CYP2W1: variants seen among roughly 807,000 people sequenced by gnomAD.
CYP2W1 encodes cytochrome P450 2W1.
In CYP2W1, 51 loss-of-function variants were observed where a neutral mutation model predicts 44.9. The ratio of observed to expected loss-of-function variants is 1.14; its 90% CI spans 0.91 to 1.43. The LOEUF is 1.43. Ranked by LOEUF, CYP2W1 falls within the 40% of genes most tolerant of loss-of-function variation. The probability of loss-of-function intolerance (pLI) is 0.00; values close to 1 mark genes in which losing one functional copy is unlikely to be tolerated. For synonymous variants in CYP2W1, 383 were observed against 338.3 expected (o/e 1.13, Z -1.45); for missense variants, 746 against 700.0 (o/e 1.07, Z -0.74).
Position 987,173 on chromosome 7 carries a change from G to A in CYP2W1, c.886G>A (p.Ala296Thr). The change falls in exon 6 of 9, where the codon GCC becomes ACC. Residue 296 changes from alanine to threonine, a missense_variant. Coordinates refer to ENST00000308919, the MANE Select transcript of CYP2W1 (RefSeq NM_017781.3). ...AVACTLDMVM[A>T]GTETTSATLQ... ...GGCCTGCACCCTGGACATGGTCATG[G>A]CCGGGACGGAGACGACCTCGGCCAC... is the stretch of plus-strand genomic sequence containing the variant. 1 of 1,567,776 alleles carries A rather than the reference G, an allele frequency of 6.4e-7. No individual in the cohort carries two copies. Among genetic ancestry groups the A allele is most frequent in the Admixed American group, 1.8e-5 (1 of 54,588 alleles).
chr7:987,241 G>T lies in CYP2W1; in HGVS notation c.954G>T (p.Val318=), dbSNP rs1562955658. ...AALLMGRHPD[V]QGRVQEELDR... is the part of the protein sequence containing the mutation. ...TTCTGATGGGCCGGCACCCGGACGTGCAGGGTGAGACCCCGGCGCCTGGCG... is the reference window on the plus strand; with the variant it reads ...TTCTGATGGGCCGGCACCCGGACGTTCAGGGTGAGACCCCGGCGCCTGGCG... The change falls in exon 6 of 9, where the codon GTG becomes GTT. Residue 318 remains valine, a synonymous_variant. Transcript: ENST00000308919. 6.5e-7 allele frequency: 1 copy of T among 1,526,772 alleles called. No individual in the cohort carries two copies. The allele number at this position is 1,526,772 out of a possible 1,614,324, so 94.6% of individuals were successfully genotyped here. A position where few individuals can be genotyped will look rare whatever the true frequency, so the allele number is the denominator to read the frequency against.
intron 7 of CYP2W1, among the ~76,000 whole-genome samples, chr7:987,922 C>T (rs1331976430): frequency 1.4e-5 from 2 of 144,814 alleles, no homozygotes; most frequent in South Asian, 2.2e-4. Context: ...CTGGGGATCC[C>T]CTGTGTGTCC....
intron 5 of CYP2W1, 69 bp from the exon 6 acceptor site, chr7:987,038 T>C: frequency 1.4e-6 from 2 of 1,430,812 alleles, no homozygotes; most frequent in Non-Finnish European, 1.8e-6. Context: ...AGCCCAGGGC[T>C]GGGCTGGGTC....
At chr7:988,212 C>G (rs1005212817) in intron 7 of CYP2W1, 65 bp from the exon 8 acceptor site, 30 of 1,504,078 alleles carry the variant, frequency 2.0e-5, no homozygotes, top group South Asian at 6.5e-5. Flanking sequence ...AATGAAACTT[C>G]CCAACCCAGG....
At position 986,770 on chromosome 7, in the gene CYP2W1, T is replaced by C. The variant is rs367760513; in HGVS notation, c.792T>C (p.Tyr264=). ...HVCPGDPVCS[Y]VDALIQQGQG... The stretch of plus-strand genomic sequence containing the variant: ...GCCCGGGGGACCCCGTGTGCAGCTA[T>C]GTGGACGCCCTGATCCAGCAGGGAC... Residue 264 remains tyrosine (Y), a synonymous_variant, in exon 5 of 9, where the codon TAT becomes TAC. Coordinates refer to ENST00000308919, the MANE Select transcript of CYP2W1 (RefSeq NM_017781.3). 6.3e-6 allele frequency: 10 copies of C among 1,594,084 alleles called. No individual in the cohort carries two copies. The highest frequency in any genetic ancestry group is 8.5e-6 in the Non-Finnish European group (10 of 1,169,842).
chr7:988,535 CT>C (rs772596502), intron 8 of CYP2W1, 99 bp from the exon 9 acceptor site: 8 of 1,596,216 alleles, frequency 5.0e-6, no homozygotes, highest in Non-Finnish European at 6.0e-6. Context: ...CTGAAGGCGG[CT>C]GTGGTGGCTG....
chr7:983,540 T>C (rs1490624731), intron 1 of CYP2W1, among the ~76,000 whole-genome samples, 155 bp downstream of exon 1: 1 of 152,032 alleles, frequency 6.6e-6, no homozygotes, highest in African/African-American at 2.4e-5. Flanking sequence ...ACCCTGCTTT[T>C]GGGAGGGGAA....
chr7:988,832 C>G lies in CYP2W1; in HGVS notation c.*10C>G, dbSNP rs376213292. The G allele has an allele frequency of 6.6e-7, 1 of 1,514,670 alleles. No homozygotes were observed. 93.8% of individuals were successfully genotyped at this position (1,514,670 alleles called of 1,614,324 possible). A position where few individuals can be genotyped will look rare whatever the true frequency, so the allele number is the denominator to read the frequency against. ...GGTGCCCAGGCCCTAGGAGCTCCCCCAGCCCCCAGGTCCTCCTGACCACTC... is the reference window on the plus strand; with the variant it reads ...GGTGCCCAGGCCCTAGGAGCTCCCCGAGCCCCCAGGTCCTCCTGACCACTC... On this transcript the variant is annotated 3_prime_UTR_variant, in exon 9 of 9. Transcript: ENST00000308919.
intron 4 of CYP2W1, among the ~76,000 whole-genome samples, chr7:985,555 CCCT>C (rs1372063758): frequency 6.6e-6 from 1 of 152,196 alleles, no homozygotes; most frequent in Non-Finnish European, 1.5e-5. Flanking sequence ...CTCCCCCACG[CCCT>C]CATCAGTAAC....
chr7:985,163 C>A lies in CYP2W1; in HGVS notation c.488-3C>A. 1 of 1,586,270 alleles carries A rather than the reference C, an allele frequency of 6.3e-7. No homozygotes were observed. The highest frequency in any genetic ancestry group is 8.6e-7 in the Non-Finnish European group (1 of 1,166,930). On this transcript the variant is annotated splice_region_variant and splice_polypyrimidine_tract_variant and intron_variant, in intron 3 of 8. Transcript: ENST00000308919. Reference sequence around the variant, plus strand: ...ACGTGCCTGAGGCCCGTCTCCCTCGCAGGCCGGCCCTTCCCGCTGGCCCTA... The same window carrying A: ...ACGTGCCTGAGGCCCGTCTCCCTCGAAGGCCGGCCCTTCCCGCTGGCCCTA...
chr7:987,923 CTG>C (rs1161758404), intron 7 of CYP2W1, among the ~76,000 whole-genome samples: 5 of 144,120 alleles, frequency 3.5e-5, no homozygotes, highest in Non-Finnish European at 3.0e-5. Context: ...TGGGGATCCC[CTG>C]TGTGTCCTGG....
At position 987,377 on chromosome 7, in the gene CYP2W1, T is replaced by C. The variant is rs1848444673; in HGVS notation, c.989T>C (p.Leu330Pro). ...GTGCAGGAGGAGCTAGACCGCGTGC[T>C]GGGCCCTGGGCGGACTCCCCGGCTG... ...GRVQEELDRV[L>P]GPGRTPRLED... The change falls in exon 7 of 9, where the codon CTG (leucine) becomes CCG (proline). Residue 330 changes from leucine to proline, a missense_variant. Coordinates refer to ENST00000308919, the MANE Select transcript of CYP2W1 (RefSeq NM_017781.3). The C allele has an allele frequency of 1.3e-6, 2 of 1,593,576 alleles. No individual in the cohort carries two copies. Among genetic ancestry groups the C allele is most frequent in the African/African-American group, 1.3e-5 (1 of 74,920 alleles).
rs1372190123 is a variant in CYP2W1, at chr7:988,768, G to T, written c.1419G>T (p.Arg473=). 3.1e-6 allele frequency: 5 copies of T among 1,598,206 alleles called. No homozygotes were observed. The African/African-American group carries it at 5.3e-5, about 17-fold the overall frequency. The part of the protein sequence containing the change: ...SPASLDTTPA[R]AFTMRPRAQA... ...CCTCCCTGGACACCACGCCCGCCCG[G>T]GCTTTTACCATGAGGCCGAGGGCCC... is the stretch of plus-strand genomic sequence containing the variant. The change falls in exon 9 of 9, where the codon CGG becomes CGT. Residue 473 remains arginine, a synonymous_variant. Transcript: ENST00000308919.
Position 987,103 on chromosome 7 carries a change from G to C in CYP2W1, c.820-4G>C. The C allele has an allele frequency of 6.5e-7, 1 of 1,537,990 alleles. No homozygotes were observed. Among genetic ancestry groups the C allele is most frequent in the East Asian group, 2.4e-5 (1 of 42,486 alleles). On this transcript the variant is annotated splice_region_variant and splice_polypyrimidine_tract_variant and intron_variant, in intron 5 of 8. Transcript: ENST00000308919. ...CCCACGAGCCCTGCCCCACGCCTCT[G>C]CAGGGGGATGACCCCGAGGGCCTGT... is the stretch of plus-strand genomic sequence containing the variant.
chr7:988,419 G>A lies in CYP2W1; in HGVS notation c.1285+1G>A, dbSNP rs1848560595. ...GAGGCCTTCCTGCCTTTCTCTGCAG[G>A]TCAGCAGCCCTCGGGGCCGGGGTGG... On this transcript the variant is annotated splice_donor_variant, in intron 8 of 8. Transcript: ENST00000308919. LOFTEE classifies it high-confidence loss of function. 1.2e-6 allele frequency: 2 copies of A among 1,612,468 alleles called. No homozygotes were observed. The highest frequency in any genetic ancestry group is 1.7e-6 in the Non-Finnish European group (2 of 1,179,796).
intron 5 of CYP2W1, 114 bp from the exon 6 acceptor site, chr7:986,992 AT>A: frequency 7.2e-7 from 1 of 1,384,744 alleles, no homozygotes; most frequent in Non-Finnish European, 9.5e-7. Context: ...ACGCTGAGGG[AT>A]GGCTGAGCCC....
Position 986,672 on chromosome 7 carries a change from C to G in CYP2W1, c.694C>G (p.Pro232Ala), listed in dbSNP as rs777222934. Residue 232 changes from proline to alanine, a missense_variant, in exon 5 of 9, where the codon CCC becomes GCC. Physicochemically the swap from Pro to Ala is conservative, Grantham distance 27. Coordinates refer to ENST00000308919, the MANE Select transcript of CYP2W1 (RefSeq NM_017781.3). Reference sequence around the variant, plus strand: ...CGGGGCCCTGCTCCAGCTGCACCGGCCCGTCCTGCGCAAGATCGAGGAGGT... The same window carrying G: ...CGGGGCCCTGCTCCAGCTGCACCGGGCCGTCCTGCGCAAGATCGAGGAGGT... Reference protein sequence around the residue: ...WLGALLQLHRPVLRKIEEVRA... With the variant: ...WLGALLQLHRAVLRKIEEVRA... 2 of 1,612,596 alleles carry G rather than the reference C, an allele frequency of 1.2e-6. No homozygotes were observed. Among genetic ancestry groups the G allele is most frequent in the African/African-American group, 2.7e-5 (2 of 74,946 alleles).
rs193101956 is a variant in CYP2W1, at chr7:989,174, C to T, written c.*352C>T. 3.0e-3 allele frequency: 912 copies of T among 299,302 alleles called. 8 individuals carry two copies. Among genetic ancestry groups the T allele is most frequent in the African/African-American group, 0.018 (835 of 46,806 alleles). 18.5% of individuals were successfully genotyped at this position (299,302 alleles called of 1,614,324 possible). A position where few individuals can be genotyped will look rare whatever the true frequency, so the allele number is the denominator to read the frequency against. ...TACAGCTGGGGCTGCAGGGAGACAA[C>T]GGGTGGCTGCATCCAGCCAGAGACA... On this transcript the variant is annotated 3_prime_UTR_variant, in exon 9 of 9. Coordinates refer to ENST00000308919, the MANE Select transcript of CYP2W1 (RefSeq NM_017781.3).
rs192750534 is a variant in CYP2W1, at chr7:986,490, G to A, written c.646-134G>A. The A allele has an allele frequency of 3.5e-4, 372 of 1,051,206 alleles. No individual in the cohort carries two copies. In the East Asian group the frequency reaches 6.1e-3, roughly 17 times the overall value. 65.1% of individuals were successfully genotyped at this position (1,051,206 alleles called of 1,614,324 possible). On this transcript the variant is annotated intron_variant, in intron 4 of 8. Coordinates refer to ENST00000308919, the MANE Select transcript of CYP2W1 (RefSeq NM_017781.3). Reference sequence around the variant, plus strand: ...TCCCTTGAGGGCTAAGGGTCCCCCCGTTCTGTGGCCGCCTCCAGCACATCC... The same window carrying A: ...TCCCTTGAGGGCTAAGGGTCCCCCCATTCTGTGGCCGCCTCCAGCACATCC...
Sources: gnomAD v4.1 joint callset for allele counts (sites outside exome capture counted in the v4.1 genomes callset) on GRCh38, gnomAD v4.1.1 for gene constraint, MANE v1.5 for transcripts, NCBI Gene and HGNC (gene_info 2026-07-23, HGNC 2026-07-21) for gene names.